Variants in GASK1B observed in about 807,000 individuals in gnomAD.
The protein encoded by GASK1B is Golgi-associated kinase 1B.
Under a neutral mutation model 42.8 loss-of-function variants are expected in GASK1B, and 34 were observed. The ratio of observed to expected loss-of-function variants is 0.79; its 90% CI spans 0.60 to 1.06. GASK1B has a LOEUF of 1.06. Ranked by LOEUF, GASK1B falls within the 50% of genes least tolerant of loss-of-function variation. The pLI is 0.00. For synonymous variants in GASK1B, 262 were observed against 259.1 expected, an observed-to-expected ratio of 1.01 and a Z score of -0.11; for missense variants, 686 against 661.0, an observed-to-expected ratio of 1.04 and a Z score of -0.42.
At chr4:158,151,949 AC>A (rs1192471084) in intron 3 of GASK1B, among the ~76,000 whole-genome samples, 1 of 152,210 alleles carries the variant, frequency 6.6e-6, no homozygotes, top group East Asian at 1.9e-4. Context: ...CTGGGTGGGC[AC>A]CGTCTAATTA....
At chr4:158,153,165 AT>A (rs993875154) in intron 3 of GASK1B, among the ~76,000 whole-genome samples, 11 of 152,216 alleles carry the variant, frequency 7.2e-5, no homozygotes, top group African/African-American at 2.7e-4. Context: ...GGGATACAAA[AT>A]TAATGTACAC....
intron 1 of GASK1B, chr4:158,172,343 C>G (rs75166298): frequency 6.6e-6 from 1 of 152,200 alleles, no homozygotes; most frequent in Non-Finnish European, 1.5e-5. Flanking sequence ...ACTTACACAG[C>G]TGGCCCCATG....
At chr4:158,162,544 C>T (rs4690893) in intron 2 of GASK1B, among the ~76,000 whole-genome samples, 140,974 of 152,268 alleles carry the variant, frequency 0.93, 65,528 homozygotes, top group East Asian at 0.98. Context: ...TCACTCAATA[C>T]GAATTGGGAA....
intron 2 of GASK1B, chr4:158,167,271 A>G (rs558792888): frequency 6.6e-6 from 1 of 152,266 alleles, no homozygotes; most frequent in South Asian, 2.1e-4. Context: ...ATTAAATCCT[A>G]TTGTTCCTCC....
chr4:158,142,707 A>G (rs1731183867), intron 3 of GASK1B, among the ~76,000 whole-genome samples: 1 of 152,208 alleles, frequency 6.6e-6, no homozygotes, highest in South Asian at 2.1e-4. Context: ...CTGATAAAAG[A>G]ACACACCACT....
intron 2 of GASK1B, among the ~76,000 whole-genome samples, chr4:158,162,432 C>T (rs1304152624): frequency 6.6e-6 from 1 of 152,122 alleles, no homozygotes; most frequent in Non-Finnish European, 1.5e-5. Context: ...TCAGAATCCC[C>T]CAATGTTCAT....
At chr4:158,149,493 T>G (rs531127342) in intron 3 of GASK1B, among the ~76,000 whole-genome samples, 136 of 152,346 alleles carry the variant, frequency 8.9e-4, no homozygotes, top group Middle Eastern at 3.4e-3. Context: ...GGGTTTGCTC[T>G]CTATTCACAA....
rs749698008 is a variant in GASK1B, at chr4:158,127,623, A to T, written c.1353-9T>A. The T allele has an allele frequency of 6.2e-7, 1 of 1,609,460 alleles. No individual in the cohort carries two copies. The highest frequency in any genetic ancestry group is 8.5e-7 in the Non-Finnish European group (1 of 1,178,058). On this transcript the variant is annotated splice_polypyrimidine_tract_variant and intron_variant, in intron 4 of 4. Transcript: ENST00000585682. ...CTGCAGAAGCTGGAAACCTGAAAAG[A>T]TAAAATGATATTTCAATCTTAGTAA... is the stretch of plus-strand genomic sequence containing the variant.
intron 3 of GASK1B, among the ~76,000 whole-genome samples, chr4:158,151,536 G>A (rs914484792): frequency 6.6e-6 from 1 of 152,168 alleles, no homozygotes; most frequent in Non-Finnish European, 1.5e-5. Flanking sequence ...TGATGAGTAT[G>A]ATTATTGCAG....
chr4:158,146,952 C>T (rs1236010972), intron 3 of GASK1B, among the ~76,000 whole-genome samples: 3 of 152,120 alleles, frequency 2.0e-5, no homozygotes, highest in Non-Finnish European at 2.9e-5. Context: ...ATGGCATAGC[C>T]TTTGTGAATG....
chr4:158,158,484 A>T lies in GASK1B; in HGVS notation c.911-2659T>A, dbSNP rs558971115. On this transcript the variant is annotated intron_variant, in intron 2 of 4. Transcript: ENST00000585682. The stretch of plus-strand genomic sequence containing the variant: ...AAAGAGGCAAAAATTATGCAAAGAA[A>T]AAAAGCTATTTGGGATCATCTTGTA... Among the ~76,000 whole-genome samples the T allele has an allele frequency of 1.2e-4, 18 of 152,228 alleles. No individual in the cohort carries two copies. In the Middle Eastern group the frequency reaches 0.01, roughly 86 times the overall value.
intron 2 of GASK1B, among the ~76,000 whole-genome samples, chr4:158,161,226 C>T (rs967115572): frequency 1.3e-5 from 2 of 151,406 alleles, no homozygotes; most frequent in Admixed American, 1.3e-4. Flanking sequence ...TTAATAATTC[C>T]ACATTGTAAA....
chr4:158,150,458 T>G (rs1168125955), intron 3 of GASK1B, among the ~76,000 whole-genome samples: 1 of 152,128 alleles, frequency 6.6e-6, no homozygotes, highest in Non-Finnish European at 1.5e-5. Flanking sequence ...ATCACCCCAA[T>G]AGAACTTGAG....
chr4:158,171,616 A>G lies in GASK1B; in HGVS notation c.-224-17T>C, dbSNP rs1260123265. 2.9e-5 allele frequency: 12 copies of G among 408,380 alleles called. No homozygotes were observed. Among genetic ancestry groups the G allele is most frequent in the Non-Finnish European group, 4.3e-5 (10 of 230,946 alleles). The allele number at this position is 408,380 out of a possible 1,614,324, so 25.3% of individuals were successfully genotyped here. ...GGCTTGTTTCTGGGAATGAATGGAT[A>G]CAGAGTTAACTGAGTCACAATTTCA... On this transcript the variant is annotated splice_polypyrimidine_tract_variant and intron_variant, in intron 1 of 4. Transcript: ENST00000585682.
At chr4:158,131,579 T>C (rs1730684914) in intron 3 of GASK1B, among the ~76,000 whole-genome samples, 1 of 152,208 alleles carries the variant, frequency 6.6e-6, no homozygotes, top group Admixed American at 6.5e-5. Flanking sequence ...CACAGCTAGA[T>C]TCTAAACATA....
chr4:158,168,596 A>G (rs1463803459), intron 2 of GASK1B: 1 of 152,194 alleles, frequency 6.6e-6, no homozygotes, highest in Non-Finnish European at 1.5e-5. Context: ...TTGTCATTTT[A>G]CAGCTGAGGA....
intron 4 of GASK1B, 98 bp from the exon 5 acceptor site, chr4:158,127,712 C>T (rs1006277540): frequency 5.9e-5 from 63 of 1,072,602 alleles, no homozygotes; most frequent in Admixed American, 8.1e-5. Context: ...ATAAATCACA[C>T]TAACAAATGG....
chr4:158,141,913 G>GCTCCGCTTCC (rs1560780877), intron 3 of GASK1B, among the ~76,000 whole-genome samples: 26 of 114,312 alleles, frequency 2.3e-4, no homozygotes, highest in South Asian at 5.9e-4. Context: ...GGCCGATGTT[G>GCTCCGCTTCC]TGGTTTCTTT....
At chr4:158,136,566 A>G (rs1730900573) in intron 3 of GASK1B, among the ~76,000 whole-genome samples, 1 of 152,210 alleles carries the variant, frequency 6.6e-6, no homozygotes, top group African/African-American at 2.4e-5. Flanking sequence ...TCTTCCTAAC[A>G]TAGGTAGGAA....
Sources: gnomAD v4.1 joint callset for allele counts (sites outside exome capture counted in the v4.1 genomes callset) on GRCh38, gnomAD v4.1.1 for gene constraint, MANE v1.5 for transcripts, NCBI Gene and HGNC (gene_info 2026-07-23, HGNC 2026-07-21) for gene names.